CNTLN: variants seen among roughly 807,000 people sequenced by gnomAD.
The protein encoded by CNTLN is centlein.
Under a neutral mutation model 180.0 loss-of-function variants are expected in CNTLN, and 212 were observed. The observed-to-expected ratio is 1.18, with a 90% confidence interval of 1.05 to 1.32. The LOEUF (loss-of-function observed/expected upper bound fraction) is 1.32, where lower values mean the gene tolerates loss of function less well. Among genes scored for constraint, CNTLN ranks in the 40% most tolerant of loss-of-function variants. The probability of loss-of-function intolerance (pLI) is 0.00; values close to 1 mark genes in which losing one functional copy is unlikely to be tolerated. For missense variants in CNTLN, 2,095 were observed against 1,610.9 expected (o/e 1.30, Z -5.14); for synonymous variants, 722 against 563.1 (o/e 1.28, Z -3.99).
intron 3 of CNTLN, among the ~76,000 whole-genome samples, chr9:17,229,747 A>G (rs1021395366): frequency 6.6e-6 from 1 of 152,118 alleles, no homozygotes; most frequent in African/African-American, 2.4e-5. Context: ...CGTGTGTACC[A>G]TGGGTAGCCT....
At chr9:17,218,370 G>A (rs1394995215) in intron 2 of CNTLN, among the ~76,000 whole-genome samples, 1 of 151,802 alleles carries the variant, frequency 6.6e-6, no homozygotes, top group Non-Finnish European at 1.5e-5. Context: ...CTTTTACTGT[G>A]GAGTAAAATG....
intron 5 of CNTLN, among the ~76,000 whole-genome samples, chr9:17,266,355 A>T (rs1827443364): frequency 6.6e-6 from 1 of 152,098 alleles, no homozygotes; most frequent in East Asian, 1.9e-4. Context: ...GTTTTGAGTG[A>T]GTTTCTTAAT....
At chr9:17,515,665 G>A in the CNTLN span, among the ~76,000 whole-genome samples, 1 of 152,048 alleles carries the variant, frequency 6.6e-6, no homozygotes, top group Non-Finnish European at 1.5e-5. Flanking sequence ...AATGTATCGG[G>A]AAATTCTACT....
At chr9:17,388,805 A>G (rs1432313342) in intron 14 of CNTLN, among the ~76,000 whole-genome samples, 1 of 138,894 alleles carries the variant, frequency 7.2e-6, no homozygotes, top group African/African-American at 2.6e-5. Context: ...TCATATTATA[A>G]CATGTCTATC....
At chr9:17,158,826 ATTG>A (rs1266139740) in intron 2 of CNTLN, among the ~76,000 whole-genome samples, 20 of 151,792 alleles carry the variant, frequency 1.3e-4, no homozygotes, top group African/African-American at 4.1e-4. Context: ...TTTTGGCTGT[ATTG>A]TTCTTTCTCT....
At chr9:17,375,440 C>G (rs928614702) in intron 13 of CNTLN, among the ~76,000 whole-genome samples, 2 of 152,108 alleles carry the variant, frequency 1.3e-5, no homozygotes, top group African/African-American at 4.8e-5. Context: ...GATGGATGCC[C>G]CATTTACCCT....
In CNTLN at chr9:17,255,962, G is replaced by C. The variant is rs116245033; in HGVS notation, c.850-17771G>C. On this transcript the variant is annotated intron_variant, in intron 5 of 25. Coordinates refer to ENST00000380647, the MANE Select transcript of CNTLN (RefSeq NM_017738.4). ...ACAATTTTGTATTTGTTAGAATACAGATTTTTTAGAATACAGTTTTGTATT... is the reference window on the plus strand; with the variant it reads ...ACAATTTTGTATTTGTTAGAATACACATTTTTTAGAATACAGTTTTGTATT... 1.6e-3 allele frequency among the ~76,000 whole-genome samples: 243 copies of C among 151,946 alleles called. 1 individual carries two copies. The highest frequency in any genetic ancestry group is 5.6e-3 in the African/African-American group (234 of 41,522).
At chr9:17,458,157 G>C (rs1331695646) in intron 19 of CNTLN, among the ~76,000 whole-genome samples, 4 of 150,422 alleles carry the variant, frequency 2.7e-5, no homozygotes, top group Non-Finnish European at 4.4e-5. Flanking sequence ...CTCCTTCTCT[G>C]TCTCCAACCA....
intron 2 of CNTLN, among the ~76,000 whole-genome samples, chr9:17,206,809 C>T (rs116534261): frequency 0.014 from 2,061 of 152,332 alleles, 51 homozygotes; most frequent in African/African-American, 0.047. Context: ...CTGTTTCAAT[C>T]TATTCCTATA....
chr9:17,296,612 A>G (rs1817958237), intron 6 of CNTLN, among the ~76,000 whole-genome samples: 6 of 152,008 alleles, frequency 3.9e-5, no homozygotes, highest in Admixed American at 3.3e-4. Context: ...TGCTAATGTT[A>G]TTAGTGAAAA....
intron 5 of CNTLN, among the ~76,000 whole-genome samples, chr9:17,266,564 C>T (rs1204521246): frequency 6.6e-6 from 1 of 152,014 alleles, no homozygotes. Context: ...CTGCTTGGTG[C>T]AGAGCTGAGT....
chr9:17,255,078 C>T (rs1379419180), intron 5 of CNTLN, among the ~76,000 whole-genome samples: 1 of 151,552 alleles, frequency 6.6e-6, no homozygotes, highest in Non-Finnish European at 1.5e-5. Flanking sequence ...TCTGGTTATT[C>T]ATTGTTAGTG....
chr9:17,412,652 A>C (rs1409769139), intron 16 of CNTLN, among the ~76,000 whole-genome samples: 1 of 152,176 alleles, frequency 6.6e-6, no homozygotes, highest in Admixed American at 6.5e-5. Context: ...CTGTAGGCTA[A>C]TGTAAGTGTT....
At chr9:17,267,706 A>G (rs1167795385) in intron 5 of CNTLN, among the ~76,000 whole-genome samples, 2 of 152,118 alleles carry the variant, frequency 1.3e-5, no homozygotes, top group Non-Finnish European at 2.9e-5. Context: ...CTTTTCACAT[A>G]GTCCCATATT....
At chr9:17,384,241 T>C (rs1050706256) in intron 13 of CNTLN, among the ~76,000 whole-genome samples, 1 of 151,466 alleles carries the variant, frequency 6.6e-6, no homozygotes, top group African/African-American at 2.4e-5. Flanking sequence ...CATTTTATTT[T>C]TAAGGCAAGG....
intron 3 of CNTLN, 93 bp from the exon 4 acceptor site, chr9:17,235,565 C>A (rs3814137): frequency 0.16 from 159,863 of 1,004,960 alleles, 14,956 homozygotes; most frequent in African/African-American, 0.35. Flanking sequence ...ATTTAATCAT[C>A]ACATTAGCAA....
At chr9:17,331,012 A>C (rs567474271) in intron 9 of CNTLN, among the ~76,000 whole-genome samples, 1 of 152,032 alleles carries the variant, frequency 6.6e-6, no homozygotes, top group Admixed American at 6.6e-5. Flanking sequence ...TTCCCAAATT[A>C]GTTAATTAAA....
At chr9:17,295,054 C>T (rs181963172) in intron 6 of CNTLN, among the ~76,000 whole-genome samples, 1 of 151,900 alleles carries the variant, frequency 6.6e-6, no homozygotes, top group Non-Finnish European at 1.5e-5. Flanking sequence ...ACCTGGTGCA[C>T]TGTCCGCGGC....
chr9:17,362,766 T>G (rs1004650482), intron 12 of CNTLN, among the ~76,000 whole-genome samples: 1 of 152,146 alleles, frequency 6.6e-6, no homozygotes, highest in Non-Finnish European at 1.5e-5. Context: ...TACTTTAAGT[T>G]CTGGGATACA....
Sources: gnomAD v4.1 joint callset for allele counts (sites outside exome capture counted in the v4.1 genomes callset) on GRCh38, gnomAD v4.1.1 for gene constraint, MANE v1.5 for transcripts, NCBI Gene and HGNC (gene_info 2026-07-23, HGNC 2026-07-21) for gene names.